CSMD1: variants seen among roughly 807,000 people sequenced by gnomAD.
CSMD1 encodes CUB and sushi domain-containing protein 1.
In CSMD1, 213 loss-of-function variants were observed where a neutral mutation model predicts 417.5. The ratio of observed to expected loss-of-function variants is 0.51; its 90% CI spans 0.46 to 0.57. CSMD1 has a LOEUF of 0.57. CSMD1 is among the 20% of genes least tolerant of loss of function. The probability of loss-of-function intolerance (pLI) is 0.00; values close to 1 mark genes in which losing one functional copy is unlikely to be tolerated. For synonymous variants in CSMD1, 2,862 were observed against 1,736.8 expected, an observed-to-expected ratio of 1.65 and a Z score of -16.11; for missense variants, 6,923 against 4,529.7, an observed-to-expected ratio of 1.53 and a Z score of -15.17.
chr8:3,991,686 G>A lies in CSMD1; in HGVS notation c.818+6217C>T, dbSNP rs374121156. Among the ~76,000 whole-genome samples the A allele has an allele frequency of 4.9e-4, 75 of 152,220 alleles. 1 individual carries two copies. The East Asian group carries it at 0.011, about 22-fold the overall frequency. The stretch of plus-strand genomic sequence containing the variant: ...CAGAAGGTTGCTGAAGAAATTCTAG[G>A]ATGAGAGTGGAGTGCCGACACACTG... On this transcript the variant is annotated intron_variant, in intron 5 of 69. Coordinates refer to ENST00000635120, the MANE Select transcript of CSMD1 (RefSeq NM_033225.6).
chr8:4,004,540 G>C (rs552531160), intron 4 of CSMD1, among the ~76,000 whole-genome samples: 3 of 151,634 alleles, frequency 2.0e-5, no homozygotes, highest in Non-Finnish European at 4.4e-5. Context: ...AAATGAAGTA[G>C]TATTTTTAGC....
At chr8:3,634,953 G>A (rs989853678) in intron 7 of CSMD1, among the ~76,000 whole-genome samples, 1 of 152,024 alleles carries the variant, frequency 6.6e-6, no homozygotes, top group African/African-American at 2.4e-5. Context: ...TGACTGTACT[G>A]AATAATGCAG....
chr8:4,433,413 C>A (rs1211397869), intron 2 of CSMD1, among the ~76,000 whole-genome samples: 2 of 152,024 alleles, frequency 1.3e-5, no homozygotes. Context: ...AAAGAATCAA[C>A]CTTTGAACCA....
intron 2 of CSMD1, among the ~76,000 whole-genome samples, chr8:4,446,368 C>A (rs1257606067): frequency 6.6e-6 from 1 of 151,994 alleles, no homozygotes; most frequent in Non-Finnish European, 1.5e-5. Context: ...GGCAACATGG[C>A]AGAACCCCAA....
intron 5 of CSMD1, among the ~76,000 whole-genome samples, chr8:3,811,313 C>A (rs1430356538): frequency 1.3e-5 from 2 of 152,166 alleles, no homozygotes; most frequent in African/African-American, 4.8e-5. Flanking sequence ...CCTGCTATAA[C>A]CTTCACACTG....
At chr8:4,512,765 A>T (rs1353718385) in intron 2 of CSMD1, among the ~76,000 whole-genome samples, 1 of 148,962 alleles carries the variant, frequency 6.7e-6, no homozygotes, top group Non-Finnish European at 1.5e-5. Flanking sequence ...AACTCTATAA[A>T]ACTCTGAATT....
chr8:4,715,822 C>A (rs912755820), intron 1 of CSMD1, among the ~76,000 whole-genome samples: 1 of 152,208 alleles, frequency 6.6e-6, no homozygotes, highest in South Asian at 2.1e-4. Flanking sequence ...CACTACCCCT[C>A]TGGACCAAAC....
intron 7 of CSMD1, among the ~76,000 whole-genome samples, chr8:3,618,727 A>G (rs1053068465): frequency 6.6e-6 from 1 of 152,282 alleles, no homozygotes; most frequent in East Asian, 1.9e-4. Flanking sequence ...AAAATCTGTA[A>G]CAACCAAGCA....
rs367711181 is a variant in CSMD1, at chr8:4,144,757, TAGG to T, written c.416-112661_416-112659del. ...CAACTTTCTAGAGACTTCTCAGACA[TAGG>T]AGAACAGGAATGATGGATTTACCAG... On this transcript the variant is annotated intron_variant, in intron 3 of 69. Coordinates refer to ENST00000635120, the MANE Select transcript of CSMD1 (RefSeq NM_033225.6). 4.0e-4 allele frequency among the ~76,000 whole-genome samples: 61 copies of T among 151,126 alleles called. 1 individual carries two copies. In the South Asian group the frequency reaches 0.012, roughly 31 times the overall value.
At chr8:4,124,367 T>G (rs1339742676) in intron 3 of CSMD1, among the ~76,000 whole-genome samples, 1 of 151,656 alleles carries the variant, frequency 6.6e-6, no homozygotes, top group Non-Finnish European at 1.5e-5. Context: ...TATGAAATGT[T>G]TTCTTCTCCA....
intron 23 of CSMD1, among the ~76,000 whole-genome samples, chr8:3,336,468 T>C (rs1179383896): frequency 1.3e-5 from 2 of 152,242 alleles, no homozygotes; most frequent in Non-Finnish European, 2.9e-5. Flanking sequence ...ATGTGTTTTC[T>C]ACATAAGTTA....
intron 7 of CSMD1, among the ~76,000 whole-genome samples, chr8:3,693,414 C>G (rs758472302): frequency 1.1e-4 from 16 of 151,942 alleles, no homozygotes; most frequent in Non-Finnish European, 1.9e-4. Flanking sequence ...GTGGGATAGG[C>G]TGACAATTGT....
chr8:3,147,053 A>G (rs1360082724), intron 40 of CSMD1, among the ~76,000 whole-genome samples: 1 of 149,318 alleles, frequency 6.7e-6, no homozygotes, highest in Non-Finnish European at 1.5e-5. Context: ...GTTATTACTC[A>G]GAGTAACTGG....
intron 12 of CSMD1, 128 bp from the exon 13 acceptor site, chr8:3,409,733 T>C (rs1812564906): frequency 3.0e-6 from 2 of 673,838 alleles, no homozygotes; most frequent in South Asian, 2.4e-5. Context: ...AAAGTGTTTC[T>C]AAAGGATATT....
At chr8:3,189,784 G>C in intron 34 of CSMD1, 128 bp downstream of exon 34, 1 of 778,078 alleles carries the variant, frequency 1.3e-6, no homozygotes, top group Non-Finnish European at 2.0e-6. Flanking sequence ...TACTTCCCAT[G>C]AAACAAACTG....
At chr8:4,402,554 C>G (rs1170618045) in intron 3 of CSMD1, among the ~76,000 whole-genome samples, 1 of 152,180 alleles carries the variant, frequency 6.6e-6, no homozygotes, top group Non-Finnish European at 1.5e-5. Flanking sequence ...CCTCTTTATT[C>G]TTCCACTCTT....
intron 10 of CSMD1, among the ~76,000 whole-genome samples, chr8:3,566,485 T>A (rs13268669): frequency 0.39 from 58,488 of 151,718 alleles, 11,456 homozygotes; most frequent in Middle Eastern, 0.48. Flanking sequence ...CAGCCCCTCC[T>A]GGTGTGCTGT....
At chr8:3,561,035 T>G (rs535509719) in intron 10 of CSMD1, among the ~76,000 whole-genome samples, 6 of 152,074 alleles carry the variant, frequency 3.9e-5, no homozygotes, top group Non-Finnish European at 7.4e-5. Context: ...AATACACACA[T>G]GAAAAAATGC....
chr8:4,375,801 C>T (rs1427265667), intron 3 of CSMD1, among the ~76,000 whole-genome samples: 1 of 152,168 alleles, frequency 6.6e-6, no homozygotes, highest in Non-Finnish European at 1.5e-5. Flanking sequence ...CATCCTCATA[C>T]ATTTTTTAAG....
Sources: gnomAD v4.1 joint callset for allele counts (sites outside exome capture counted in the v4.1 genomes callset) on GRCh38, gnomAD v4.1.1 for gene constraint, MANE v1.5 for transcripts, NCBI Gene and HGNC (gene_info 2026-07-23, HGNC 2026-07-21) for gene names.